AFF3: variants seen among roughly 807,000 people sequenced by gnomAD.
The protein encoded by AFF3 is ALF transcription elongation factor 3.
In AFF3, 32 loss-of-function variants were observed where a neutral mutation model predicts 129.7. The observed-to-expected ratio is 0.25, with a 90% confidence interval of 0.19 to 0.33. The LOEUF is 0.33. AFF3 is among the 10% of genes least tolerant of loss of function. AFF3 has a pLI of 1.00. For missense variants in AFF3, 1,373 were observed against 1,592.0 expected, an observed-to-expected ratio of 0.86 and a Z score of 2.34; for synonymous variants, 644 against 635.4, an observed-to-expected ratio of 1.01 and a Z score of -0.20.
At position 99,837,478 on chromosome 2, in the gene AFF3, C is replaced by T. The variant is rs201088038; in HGVS notation, c.920G>A (p.Arg307Gln). The T allele has an allele frequency of 8.1e-5, 130 of 1,612,974 alleles. No homozygotes were observed. In the Admixed American group the frequency reaches 9.8e-4, roughly 12 times the overall value. ...AGACTGTTTAAAGAATAATCTTACC[C>T]GGATTATTTCTTCAACACAGCTGTT... is the stretch of plus-strand genomic sequence containing the variant. ...ETNSCVEEII[R>Q]EMTWLPPLSA... The change falls in exon 8 of 25, where the codon CGG becomes CAG. Residue 307 changes from arginine to glutamine, a missense_variant and splice_region_variant. Transcript: ENST00000672756.
At chr2:99,752,408 T>A in intron 8 of AFF3, 107 bp from the exon 9 acceptor site, 2 of 782,840 alleles carry the variant, frequency 2.6e-6, no homozygotes, top group Non-Finnish European at 4.1e-6. Flanking sequence ...AGGGAAGGGT[T>A]AAAAAATGTA....
At chr2:99,731,568 A>G (rs1679835190) in intron 10 of AFF3, among the ~76,000 whole-genome samples, 1 of 152,222 alleles carries the variant, frequency 6.6e-6, no homozygotes, top group Admixed American at 6.5e-5. Context: ...AAGATTTAAA[A>G]TATTCATACT....
chr2:99,902,031 G>A (rs1694379615), intron 7 of AFF3, among the ~76,000 whole-genome samples: 1 of 151,294 alleles, frequency 6.6e-6, no homozygotes, highest in Non-Finnish European at 1.5e-5. Flanking sequence ...CTGCTTGGAT[G>A]TAATTTTCTC....
chr2:99,599,914 C>T (rs1268394401), intron 14 of AFF3, among the ~76,000 whole-genome samples: 2 of 152,112 alleles, frequency 1.3e-5, no homozygotes, highest in Non-Finnish European at 2.9e-5. Flanking sequence ...AAGATAGGGA[C>T]ATTTTTTGTC....
intron 8 of AFF3, among the ~76,000 whole-genome samples, chr2:99,808,765 T>C (rs780797008): frequency 2.6e-5 from 4 of 152,238 alleles, no homozygotes; most frequent in Admixed American, 2.6e-4. Flanking sequence ...CAGTGACTTA[T>C]TTTCACATAG....
intron 4 of AFF3, among the ~76,000 whole-genome samples, chr2:100,037,363 A>G (rs964833112): frequency 2.1e-5 from 3 of 145,458 alleles, no homozygotes; most frequent in African/African-American, 7.6e-5. Flanking sequence ...AGGAATACAC[A>G]TATTTTATAC....
chr2:99,874,611 A>AT (rs542001593), intron 7 of AFF3, among the ~76,000 whole-genome samples: 9 of 150,140 alleles, frequency 6.0e-5, no homozygotes, highest in Middle Eastern at 3.4e-3. Context: ...TTTTAAGACA[A>AT]TTTTTTTTTT....
intron 4 of AFF3, among the ~76,000 whole-genome samples, chr2:100,066,629 C>G (rs1687736673): frequency 6.6e-6 from 1 of 151,766 alleles, no homozygotes; most frequent in South Asian, 2.1e-4. Context: ...TCTGGCAGAC[C>G]CAGTGAGGTC....
chr2:99,815,147 A>AC (rs1687122467), intron 8 of AFF3, among the ~76,000 whole-genome samples: 1 of 151,198 alleles, frequency 6.6e-6, no homozygotes, highest in Admixed American at 6.6e-5. Context: ...GTAGCCCACA[A>AC]AAAAGGTCTA....
chr2:99,801,060 T>C (rs1033169108), intron 8 of AFF3, among the ~76,000 whole-genome samples: 1 of 152,208 alleles, frequency 6.6e-6, no homozygotes, highest in Non-Finnish European at 1.5e-5. Flanking sequence ...CATATAATTA[T>C]ACATATGTGA....
intron 2 of AFF3, among the ~76,000 whole-genome samples, chr2:100,121,258 C>G (rs1270988461): frequency 6.6e-6 from 1 of 152,144 alleles, no homozygotes; most frequent in Non-Finnish European, 1.5e-5. Context: ...GCTCAACCAG[C>G]AGAGAGAGGA....
chr2:99,722,023 T>C (rs1024601448), intron 11 of AFF3, among the ~76,000 whole-genome samples: 1 of 152,232 alleles, frequency 6.6e-6, no homozygotes, highest in Non-Finnish European at 1.5e-5. Flanking sequence ...TTAAGTTTAC[T>C]GATTATTTTT....
intron 4 of AFF3, among the ~76,000 whole-genome samples, chr2:100,068,688 A>C (rs1038190546): frequency 2.0e-5 from 3 of 152,224 alleles, no homozygotes; most frequent in African/African-American, 7.2e-5. Context: ...AGGAACACTC[A>C]GAGGCTCATC....
chr2:99,568,468 A>G (rs1676182409), intron 19 of AFF3, among the ~76,000 whole-genome samples: 1 of 152,224 alleles, frequency 6.6e-6, no homozygotes. Context: ...GAAGAACACA[A>G]GTGTTTTTGA....
intron 7 of AFF3, among the ~76,000 whole-genome samples, chr2:99,892,492 T>G (rs1341781171): frequency 6.6e-6 from 1 of 152,160 alleles, no homozygotes; most frequent in East Asian, 1.9e-4. Flanking sequence ...TTTAAAGAAT[T>G]TTTTCAACTG....
rs200146886 is a variant in AFF3, at chr2:99,601,438, G to A, written c.1368C>T (p.Pro456=). The A allele has an allele frequency of 3.7e-5, 59 of 1,603,810 alleles. No homozygotes were observed. In the Middle Eastern group the frequency reaches 8.3e-4, roughly 23 times the overall value. Residue 456 remains proline (P), a synonymous_variant, in exon 14 of 25, where the codon CCC becomes CCT. Coordinates refer to ENST00000672756, the MANE Select transcript of AFF3 (RefSeq NM_001386135.1). The part of the protein sequence containing the change: ...EGSKPPHFSS[P]EAEPASSNKW... The stretch of plus-strand genomic sequence containing the variant: ...GCCTGAGCCAGGCAGCGCTTACCTC[G>A]GGGCTGGAGAAGTGGGGGGGCTTGC...
intron 7 of AFF3, among the ~76,000 whole-genome samples, chr2:99,896,766 G>A (rs190978092): frequency 3.1e-4 from 47 of 149,822 alleles, no homozygotes; most frequent in African/African-American, 1.1e-3. Context: ...CTCCCCACTA[G>A]CTGGGACTAC....
intron 7 of AFF3, among the ~76,000 whole-genome samples, chr2:99,885,506 T>G (rs1045908217): frequency 6.6e-6 from 1 of 152,218 alleles, no homozygotes; most frequent in Admixed American, 6.5e-5. Flanking sequence ...CATTTAAAAC[T>G]TATTTTCTTG....
At chr2:99,762,705 T>C (rs764239097) in intron 8 of AFF3, among the ~76,000 whole-genome samples, 5 of 152,204 alleles carry the variant, frequency 3.3e-5, no homozygotes, top group African/African-American at 4.8e-5. Flanking sequence ...GTTGCCAGGA[T>C]TGAAGGATCT....
Sources: allele counts gnomAD v4.1 joint callset (sites outside exome capture counted in the v4.1 genomes callset), GRCh38; gene constraint gnomAD v4.1.1; transcripts MANE v1.5; gene names NCBI Gene and HGNC (gene_info 2026-07-23, HGNC 2026-07-21).